Variants in ZDHHC5 observed in about 807,000 individuals in gnomAD.
ZDHHC5 encodes the protein palmitoyltransferase ZDHHC5.
In ZDHHC5, 22 loss-of-function variants were observed where a neutral mutation model predicts 70.0. The ratio of observed to expected loss-of-function variants is 0.31; its 90% CI spans 0.22 to 0.45. ZDHHC5 has a LOEUF of 0.45. Ranked by LOEUF, ZDHHC5 falls within the 20% of genes least tolerant of loss-of-function variation. The pLI, the probability that ZDHHC5 is intolerant of heterozygous loss-of-function variation, is 1.00. For synonymous variants in ZDHHC5, 313 were observed against 347.8 expected (o/e 0.90, Z 1.11); for missense variants, 746 against 926.9 (o/e 0.80, Z 2.53).
Position 57,699,031 on chromosome 11 carries a change from G to A in ZDHHC5, c.1595G>A (p.Arg532His), listed in dbSNP as rs377713451. 43 of 1,610,840 alleles carry A rather than the reference G, an allele frequency of 2.7e-5. No homozygotes were observed. The highest frequency in any genetic ancestry group is 3.5e-5 in the Non-Finnish European group (41 of 1,179,996). Residue 532 changes from arginine (R) to histidine (H), a missense_variant, in exon 11 of 12, where the codon CGT becomes CAT. This residue lies in a region of ZDHHC5 where 340 missense variants were observed against 350.1 expected (regional missense o/e 0.97). Transcript: ENST00000287169. ...ACACACCGAGAGCCCTCACCAGTCC[G>A]TTACGACAATCTGTCGCGCCACATT... The part of the protein sequence containing the change: ...GPTHREPSPV[R>H]YDNLSRHIVA...
chr11:57,694,336 T>C (rs1946322887), intron 8 of ZDHHC5, among the ~76,000 whole-genome samples: 1 of 151,404 alleles, frequency 6.6e-6, no homozygotes, highest in South Asian at 2.1e-4. Flanking sequence ...GGGTTAAAAT[T>C]ACTTAAATAC....
At chr11:57,690,848 T>TG (rs1250292715) in intron 6 of ZDHHC5, among the ~76,000 whole-genome samples, 1 of 151,808 alleles carries the variant, frequency 6.6e-6, no homozygotes, top group Non-Finnish European at 1.5e-5. Flanking sequence ...GGGCCTGTTG[T>TG]GGGGCAGGGG....
At chr11:57,674,312 C>T (rs1483249932) in intron 2 of ZDHHC5, among the ~76,000 whole-genome samples, 1 of 146,982 alleles carries the variant, frequency 6.8e-6, no homozygotes, top group Non-Finnish European at 1.5e-5. Context: ...TCCCTTTTTC[C>T]TCAGTTTTTT....
At chr11:57,686,336 C>CAAA (rs1439664536) in intron 3 of ZDHHC5, among the ~76,000 whole-genome samples, 1 of 151,346 alleles carries the variant, frequency 6.6e-6, no homozygotes, top group Non-Finnish European at 1.5e-5. Flanking sequence ...TTTTTTGAGA[C>CAAA]AGAGTCTCAC....
rs1445834727 is a variant in ZDHHC5, at chr11:57,687,826, A to G, written c.227-682A>G. On this transcript the variant is annotated intron_variant, in intron 3 of 11. Transcript: ENST00000287169. Reference sequence around the variant, plus strand: ...TGCTGTGTTGCCCAGGCTTGAGTGCAGTGGCGTGATCTCAGCTCACTGCAA... The same window carrying G: ...TGCTGTGTTGCCCAGGCTTGAGTGCGGTGGCGTGATCTCAGCTCACTGCAA... Among the ~76,000 whole-genome samples, 4 of 125,090 alleles carry G rather than the reference A, an allele frequency of 3.2e-5. No individual in the cohort carries two copies. The Admixed American group carries it at 4.0e-4, about 13-fold the overall frequency. The allele number at this position is 125,090 out of a possible 152,430, so 82.1% of individuals were successfully genotyped here. A position where few individuals can be genotyped will look rare whatever the true frequency, so the allele number is the denominator to read the frequency against.
chr11:57,671,757 T>C (rs1173650872), intron 1 of ZDHHC5, among the ~76,000 whole-genome samples: 2 of 152,216 alleles, frequency 1.3e-5, no homozygotes, highest in Non-Finnish European at 2.9e-5. Flanking sequence ...TCAGGTGAGA[T>C]GGGCCCCTTA....
intron 9 of ZDHHC5, 134 bp downstream of exon 9, chr11:57,696,177 C>T (rs1204229405): frequency 2.2e-6 from 3 of 1,358,524 alleles, no homozygotes; most frequent in Non-Finnish European, 2.9e-6. Context: ...ACAGTTGGTA[C>T]TTGTGCTACT....
At position 57,670,238 on chromosome 11, in the gene ZDHHC5, G is replaced by A. The variant is rs1945987756; in HGVS notation, c.-1070-1783G>A. On this transcript the variant is annotated intron_variant, in intron 1 of 11. Transcript: ENST00000287169. Reference sequence around the variant, plus strand: ...CACCTGTAATCCCAGCACTTTGGGTGAGGAGGCAGATCACCTGGAGGTCAG... The same window carrying A: ...CACCTGTAATCCCAGCACTTTGGGTAAGGAGGCAGATCACCTGGAGGTCAG... Among the ~76,000 whole-genome samples the A allele has an allele frequency of 1.3e-5, 2 of 152,122 alleles. 1 individual carries two copies. The highest frequency in any genetic ancestry group is 4.1e-4 in the South Asian group (2 of 4,830).
chr11:57,699,688 A>G (rs1255792598), intron 11 of ZDHHC5, among the ~76,000 whole-genome samples, 178 bp from the exon 12 acceptor site: 1 of 152,242 alleles, frequency 6.6e-6, no homozygotes, highest in Admixed American at 6.5e-5. Flanking sequence ...GTAGTAGTAC[A>G]TAGGAGAGAT....
At chr11:57,684,831 T>C (rs1946190485) in intron 3 of ZDHHC5, among the ~76,000 whole-genome samples, 1 of 152,186 alleles carries the variant, frequency 6.6e-6, no homozygotes, top group Admixed American at 6.5e-5. Flanking sequence ...GGCTGGCAAC[T>C]CTGCTGAGAT....
intron 3 of ZDHHC5, among the ~76,000 whole-genome samples, chr11:57,687,813 C>G (rs1946229331): frequency 7.6e-6 from 1 of 131,230 alleles, no homozygotes. Flanking sequence ...CTGTGTTGCC[C>G]AGGCTTGAGT....
At chr11:57,677,967 C>T (rs1242345467) in intron 2 of ZDHHC5, among the ~76,000 whole-genome samples, 1 of 152,156 alleles carries the variant, frequency 6.6e-6, no homozygotes, top group Non-Finnish European at 1.5e-5. Context: ...AACTGGGTTG[C>T]CCACCTGTAA....
chr11:57,678,053 C>G (rs1241167117), intron 2 of ZDHHC5, among the ~76,000 whole-genome samples: 1 of 152,202 alleles, frequency 6.6e-6, no homozygotes, highest in East Asian at 1.9e-4. Flanking sequence ...GGAAGTGGAA[C>G]ATTCATTTCA....
chr11:57,670,475 A>C (rs980719171), intron 1 of ZDHHC5, among the ~76,000 whole-genome samples: 1 of 152,142 alleles, frequency 6.6e-6, no homozygotes, highest in African/African-American at 2.4e-5. Context: ...GTTTCAAAAA[A>C]AAAAAAAAAG....
chr11:57,694,562 A>G (rs150605112), intron 8 of ZDHHC5, among the ~76,000 whole-genome samples: 151 of 152,020 alleles, frequency 9.9e-4, no homozygotes, highest in African/African-American at 3.4e-3. Context: ...GGGTTTTCCT[A>G]TGTTGGCTAG....
Position 57,690,354 on chromosome 11 carries a change from G to T in ZDHHC5, c.577G>T (p.Ala193Ser). Residue 193 changes from alanine (A) to serine (S), a missense_variant, in exon 6 of 12, where the codon GCT becomes TCT. Around this residue, in one of 6 missense-constraint regions of ZDHHC5, gnomAD observed 114 missense variants for 179.3 expected, o/e 0.64. Coordinates refer to ENST00000287169, the MANE Select transcript of ZDHHC5 (RefSeq NM_015457.3). ...TAVTMAVMCVAGLFFIPVAGL... is the reference protein window; with the variant it reads ...TAVTMAVMCVSGLFFIPVAGL... Reference sequence around the variant, plus strand: ...CATCAGAATGGCAGTAATGTGTGTGGCTGGCTTATTCTTCATCCCTGTAGC... The same window carrying T: ...CATCAGAATGGCAGTAATGTGTGTGTCTGGCTTATTCTTCATCCCTGTAGC... 6.2e-7 allele frequency: 1 copy of T among 1,614,154 alleles called. No homozygotes were observed. The highest frequency in any genetic ancestry group is 8.5e-7 in the Non-Finnish European group (1 of 1,180,032).
rs771834783 is a variant in ZDHHC5 at position 57,673,103 on chromosome 11, T to G, written c.13T>G (p.Ser5Ala). The G allele has an allele frequency of 6.2e-7, 1 of 1,613,648 alleles. No individual in the cohort carries two copies. Among genetic ancestry groups the G allele is most frequent in the Non-Finnish European group, 8.5e-7 (1 of 1,179,856 alleles). The change falls in exon 2 of 12, where the codon TCT (serine) becomes GCT (alanine). Residue 5 changes from serine (S) to alanine (A), a missense_variant. Ser to Ala is a moderately conservative substitution (Grantham distance 99). This residue lies in a region of ZDHHC5 where 89 missense variants were observed against 130.7 expected (regional missense o/e 0.68). Transcript: ENST00000287169. ...TCAGAGCTCCAACATGCCCGCAGAG[T>G]CTGGAAAGAGATTCAAACCCAGCAA... is the stretch of plus-strand genomic sequence containing the variant. MPAE[S>A]GKRFKPSKYV...
intron 4 of ZDHHC5, 147 bp from the exon 5 acceptor site, chr11:57,689,884 A>T: frequency 8.9e-7 from 1 of 1,119,208 alleles, no homozygotes; most frequent in Non-Finnish European, 1.3e-6. Flanking sequence ...TCCCTTGCAG[A>T]TTTATAGAGC....
In ZDHHC5 at chr11:57,696,852, G is replaced by A; in HGVS notation, c.1101G>A (p.Met367Ile). The A allele has an allele frequency of 6.2e-7, 1 of 1,613,918 alleles. No homozygotes were observed. Among genetic ancestry groups the A allele is most frequent in the Middle Eastern group, 1.7e-4 (1 of 6,036 alleles). Residue 367 changes from methionine to isoleucine, a missense_variant, in exon 10 of 12, where the codon ATG becomes ATA. Coordinates refer to ENST00000287169, the MANE Select transcript of ZDHHC5 (RefSeq NM_015457.3). ...GYSSSSTSAAMPHSSSAKLSR... is the reference protein window; with the variant it reads ...GYSSSSTSAAIPHSSSAKLSR... ...GTAGCAGCAGTACGTCAGCTGCCAT[G>A]CCGCATTCCTCCAGCGCCAAGGTAC...
Sources: gnomAD v4.1 joint callset for allele counts (sites outside exome capture counted in the v4.1 genomes callset) on GRCh38, gnomAD v4.1.1 for gene constraint, gnomAD v4.1.1 regional missense constraint, MANE v1.5 for transcripts, NCBI Gene and HGNC (gene_info 2026-07-23, HGNC 2026-07-21) for gene names.